The following KHDRBS2 variants were observed in gnomAD, a reference collection of about 807,000 sequenced individuals.
KHDRBS2 encodes the protein KH RNA binding domain containing, signal transduction associated 2, also known as KH domain-containing, RNA-binding, signal transduction-associated protein 2.
In KHDRBS2, 26 loss-of-function variants were observed where a neutral mutation model predicts 44.3. The ratio of observed to expected loss-of-function variants is 0.59; its 90% confidence interval spans 0.43 to 0.81. The LOEUF (loss-of-function observed/expected upper bound fraction) is 0.81. Among genes scored for constraint, KHDRBS2 ranks in the 40% least tolerant of loss-of-function variants. The probability of loss-of-function intolerance (pLI) is 0.00; values close to 1 mark genes in which losing one functional copy is unlikely to be tolerated. For synonymous variants in KHDRBS2, 194 were observed against 151.1 expected (o/e 1.28, Z -2.08); for missense variants, 476 against 433.1 (o/e 1.10, Z -0.88).
At chr6:62,204,096 T>C (rs979790166) in intron 1 of KHDRBS2, among the ~76,000 whole-genome samples, 3 of 152,182 alleles carry the variant, frequency 2.0e-5, no homozygotes, top group African/African-American at 7.2e-5. Flanking sequence ...CAGAAGCAGA[T>C]GCTGGTGTCA....
the KHDRBS2 span, among the ~76,000 whole-genome samples, chr6:61,658,188 T>C: frequency 1.3e-5 from 2 of 151,796 alleles, no homozygotes; most frequent in Non-Finnish European, 2.9e-5. Flanking sequence ...TTGATATTAA[T>C]ATAAATACTA....
chr6:61,722,564 T>G (rs898097283), intron 7 of KHDRBS2, among the ~76,000 whole-genome samples: 3 of 152,194 alleles, frequency 2.0e-5, no homozygotes, highest in Non-Finnish European at 2.9e-5. Context: ...TATTTTTATC[T>G]TTTATCTTAG....
chr6:61,568,910 C>A, the KHDRBS2 span, among the ~76,000 whole-genome samples: 1 of 152,158 alleles, frequency 6.6e-6, no homozygotes, highest in Admixed American at 6.5e-5. Context: ...CATGAATTTT[C>A]TTGAGCAGAA....
chr6:62,098,893 C>T (rs1054458889), intron 2 of KHDRBS2, among the ~76,000 whole-genome samples: 1 of 151,792 alleles, frequency 6.6e-6, no homozygotes, highest in Non-Finnish European at 1.5e-5. Context: ...CTATTTTTTT[C>T]TTCTAATTGA....
chr6:61,810,837 GTAC>G (rs2127592586), intron 6 of KHDRBS2, among the ~76,000 whole-genome samples: 1 of 152,160 alleles, frequency 6.6e-6, no homozygotes, highest in South Asian at 2.1e-4. Flanking sequence ...TCTTTTGGGG[GTAC>G]AAAGGAAAGG....
the KHDRBS2 span, among the ~76,000 whole-genome samples, chr6:61,578,915 A>G: frequency 6.6e-6 from 1 of 152,090 alleles, no homozygotes; most frequent in African/African-American, 2.4e-5. Context: ...TGGGATTTAC[A>G]TGTTAGTGGT....
intron 1 of KHDRBS2, among the ~76,000 whole-genome samples, chr6:62,188,925 C>T (rs1221111001): frequency 6.6e-6 from 1 of 151,972 alleles, no homozygotes; most frequent in Non-Finnish European, 1.5e-5. Context: ...ACCTGCCTGA[C>T]CAACATGGTG....
intron 2 of KHDRBS2, among the ~76,000 whole-genome samples, chr6:62,066,272 A>T (rs1793703488): frequency 6.6e-6 from 1 of 151,728 alleles, no homozygotes; most frequent in African/African-American, 2.4e-5. Context: ...CAGTTCATAA[A>T]ATCATCTGTA....
chr6:62,016,673 C>T (rs563753447), intron 3 of KHDRBS2, among the ~76,000 whole-genome samples: 6 of 150,422 alleles, frequency 4.0e-5, no homozygotes, highest in South Asian at 4.2e-4. Context: ...ATAGTCTGAT[C>T]GAGAGTGACA....
the KHDRBS2 span, among the ~76,000 whole-genome samples, chr6:61,673,341 G>A: frequency 6.6e-6 from 1 of 151,900 alleles, no homozygotes; most frequent in Non-Finnish European, 1.5e-5. Context: ...AAAACTAGAA[G>A]CATTCCCTTT....
intron 2 of KHDRBS2, among the ~76,000 whole-genome samples, chr6:62,112,376 C>G (rs1251710815): frequency 6.6e-6 from 1 of 152,154 alleles, no homozygotes; most frequent in East Asian, 1.9e-4. Flanking sequence ...GTTTGAGCAC[C>G]CTTGTGGCTT....
At chr6:62,060,269 G>A (rs1172158825) in intron 2 of KHDRBS2, among the ~76,000 whole-genome samples, 1 of 151,764 alleles carries the variant, frequency 6.6e-6, no homozygotes, top group Non-Finnish European at 1.5e-5. Flanking sequence ...TCAATTGAAG[G>A]GTTTGAATTG....
At chr6:61,795,957 G>A (rs1388627880) in intron 6 of KHDRBS2, among the ~76,000 whole-genome samples, 1 of 152,080 alleles carries the variant, frequency 6.6e-6, no homozygotes, top group East Asian at 1.9e-4. Context: ...AAGTGATAAA[G>A]TCCAGTAGTT....
At chr6:61,906,525 A>G (rs1224598431) in intron 4 of KHDRBS2, among the ~76,000 whole-genome samples, 1 of 151,978 alleles carries the variant, frequency 6.6e-6, no homozygotes, top group African/African-American at 2.4e-5. Flanking sequence ...GCACCCATTA[A>G]CCATCCCAAC....
chr6:61,661,635 G>C, the KHDRBS2 span, among the ~76,000 whole-genome samples: 169 of 151,814 alleles, frequency 1.1e-3, no homozygotes, highest in African/African-American at 3.9e-3. Flanking sequence ...AAATAAGATG[G>C]AATGATTCAC....
At chr6:61,671,440 T>A in the KHDRBS2 span, among the ~76,000 whole-genome samples, 1 of 151,722 alleles carries the variant, frequency 6.6e-6, no homozygotes, top group African/African-American at 2.4e-5. Context: ...ATCAGACAAC[T>A]ATTTCTCCTG....
intron 4 of KHDRBS2, among the ~76,000 whole-genome samples, chr6:61,938,531 A>G (rs1049183791): frequency 6.6e-6 from 1 of 152,122 alleles, no homozygotes; most frequent in African/African-American, 2.4e-5. Context: ...TATTTTATGT[A>G]AGAATGTTAT....
At chr6:61,818,944 C>T (rs1320437570) in intron 6 of KHDRBS2, among the ~76,000 whole-genome samples, 1 of 151,850 alleles carries the variant, frequency 6.6e-6, no homozygotes, top group Non-Finnish European at 1.5e-5. Flanking sequence ...ATGTATGTTA[C>T]TAGGAATTGC....
intron 2 of KHDRBS2, among the ~76,000 whole-genome samples, chr6:62,048,987 C>T (rs1334107469): frequency 6.6e-6 from 1 of 151,442 alleles, no homozygotes; most frequent in Non-Finnish European, 1.5e-5. Flanking sequence ...CTTCTCTTCT[C>T]TTCTCTTTTT....
Sources: gnomAD v4.1 joint callset for allele counts (sites outside exome capture counted in the v4.1 genomes callset) on GRCh38, gnomAD v4.1.1 for gene constraint, MANE v1.5 for transcripts, NCBI Gene and HGNC (gene_info 2026-07-23, HGNC 2026-07-21) for gene names.